Variants in PRKD1 observed in about 807,000 individuals in gnomAD.
PRKD1 encodes serine/threonine-protein kinase D1.
A neutral mutation model predicts 95.9 loss-of-function variants in PRKD1; 63 were observed. That is an observed-to-expected ratio of 0.66 (90% CI 0.54 to 0.81). PRKD1 has a LOEUF of 0.81. PRKD1 is among the 30% of genes least tolerant of loss of function. PRKD1 has a pLI of 0.00. For synonymous variants in PRKD1, 425 were observed against 423.1 expected, an observed-to-expected ratio of 1.00 and a Z score of -0.05; for missense variants, 1,048 against 1,165.3, an observed-to-expected ratio of 0.90 and a Z score of 1.47.
At chr14:29,837,759 T>C (rs962022036) in intron 1 of PRKD1, among the ~76,000 whole-genome samples, 13 of 152,292 alleles carry the variant, frequency 8.5e-5, no homozygotes, top group African/African-American at 2.9e-4. Flanking sequence ...TCCTCAACCA[T>C]CAGTAAGAGT....
At chr14:29,803,829 G>A (rs567162069) in intron 1 of PRKD1, among the ~76,000 whole-genome samples, 60 of 152,168 alleles carry the variant, frequency 3.9e-4, no homozygotes, top group Admixed American at 3.9e-3. Context: ...TCTGCAACTG[G>A]GTTCATTTAA....
intron 2 of PRKD1, among the ~76,000 whole-genome samples, chr14:29,684,344 C>G (rs1379431505): frequency 6.6e-6 from 1 of 151,928 alleles, no homozygotes; most frequent in African/African-American, 2.4e-5. Context: ...ACCATTTTGG[C>G]CAGGCAGAAT....
intron 1 of PRKD1, among the ~76,000 whole-genome samples, chr14:29,786,546 A>G (rs1256468718): frequency 6.6e-6 from 1 of 151,934 alleles, no homozygotes; most frequent in African/African-American, 2.4e-5. Context: ...CAGGTTTCCT[A>G]TTTCTTCTGG....
chr14:29,767,163 C>T (rs898804487), intron 1 of PRKD1, among the ~76,000 whole-genome samples: 2 of 152,002 alleles, frequency 1.3e-5, no homozygotes, highest in African/African-American at 4.8e-5. Context: ...AACAAAAAAC[C>T]TGTCCAGATT....
intron 1 of PRKD1, among the ~76,000 whole-genome samples, chr14:29,874,272 A>G (rs1390434548): frequency 6.6e-6 from 1 of 152,224 alleles, no homozygotes; most frequent in Admixed American, 6.5e-5. Flanking sequence ...TCAAAGCCAC[A>G]ATGAGATAGC....
At chr14:29,598,193 T>C (rs189795680) in intron 15 of PRKD1, among the ~76,000 whole-genome samples, 14 of 151,738 alleles carry the variant, frequency 9.2e-5, no homozygotes, top group East Asian at 1.9e-4. Context: ...AGAGGATTGA[T>C]TGAGTCTGGG....
At chr14:29,698,583 C>T (rs1884659123) in intron 2 of PRKD1, among the ~76,000 whole-genome samples, 1 of 151,956 alleles carries the variant, frequency 6.6e-6, no homozygotes, top group South Asian at 2.1e-4. Flanking sequence ...CTAAAACTCT[C>T]GAAATTGGGA....
At chr14:29,871,701 G>A (rs1893114594) in intron 1 of PRKD1, among the ~76,000 whole-genome samples, 1 of 152,184 alleles carries the variant, frequency 6.6e-6, no homozygotes, top group Non-Finnish European at 1.5e-5. Flanking sequence ...CTACTTGAAA[G>A]AGCAGTTGTA....
intron 1 of PRKD1, among the ~76,000 whole-genome samples, chr14:29,774,034 A>G (rs1388744520): frequency 6.6e-6 from 1 of 152,260 alleles, no homozygotes; most frequent in African/African-American, 2.4e-5. Context: ...GTTGAGCTAC[A>G]GTATATGGGA....
chr14:29,861,609 A>G (rs1415158999), intron 1 of PRKD1, among the ~76,000 whole-genome samples: 2 of 152,094 alleles, frequency 1.3e-5, no homozygotes, highest in African/African-American at 4.8e-5. Flanking sequence ...GACTATAGTC[A>G]CCCTGTCATG....
chr14:29,710,977 T>C (rs546720125), intron 2 of PRKD1, among the ~76,000 whole-genome samples: 1 of 152,206 alleles, frequency 6.6e-6, no homozygotes, highest in East Asian at 1.9e-4. Flanking sequence ...AGACCAAGAA[T>C]AGATTTCAGT....
intron 1 of PRKD1, among the ~76,000 whole-genome samples, chr14:29,810,436 T>A (rs1418813651): frequency 6.6e-6 from 1 of 152,234 alleles, no homozygotes; most frequent in Non-Finnish European, 1.5e-5. Flanking sequence ...AGCAATCTAA[T>A]TTTCTTATGC....
intron 2 of PRKD1, among the ~76,000 whole-genome samples, chr14:29,713,666 C>A (rs994451962): frequency 3.9e-5 from 6 of 152,114 alleles, no homozygotes; most frequent in African/African-American, 1.4e-4. Context: ...ATAAATGGTA[C>A]AAATAGTCTA....
At chr14:29,796,242 T>C (rs1889810240) in intron 1 of PRKD1, among the ~76,000 whole-genome samples, 1 of 152,198 alleles carries the variant, frequency 6.6e-6, no homozygotes, top group Non-Finnish European at 1.5e-5. Flanking sequence ...GGAGTGATTC[T>C]AGTTTCTCTA....
chr14:29,703,602 C>CT (rs1359090161), intron 2 of PRKD1, among the ~76,000 whole-genome samples: 2 of 152,056 alleles, frequency 1.3e-5, no homozygotes, highest in African/African-American at 4.8e-5. Context: ...GAAGGATATA[C>CT]TGGAGAGTAG....
Position 29,632,861 on chromosome 14 carries a change from A to G in PRKD1, c.1392+8T>C, listed in dbSNP as rs1880108907. 1 of 1,599,598 alleles carries G rather than the reference A, an allele frequency of 6.3e-7. No individual in the cohort carries two copies. Among genetic ancestry groups the G allele is most frequent in the Non-Finnish European group, 8.6e-7 (1 of 1,167,116 alleles). On this transcript the variant is annotated splice_region_variant and intron_variant, in intron 9 of 17. Transcript: ENST00000331968. ...GTATGAAACTACAAAGAAAGAGCCC[A>G]CTCTTACCTTGTAGTACCTGCTTCC...
chr14:29,645,001 C>A lies in PRKD1; in HGVS notation c.697-6097G>T, dbSNP rs150340512. Reference sequence around the variant, plus strand: ...AAACTGAGTTACTGAGAGATTAAATCATTTTCCCAAGATCACACAACTTGT... The same window carrying A: ...AAACTGAGTTACTGAGAGATTAAATAATTTTCCCAAGATCACACAACTTGT... On this transcript the variant is annotated intron_variant, in intron 4 of 17. Coordinates refer to ENST00000331968, the MANE Select transcript of PRKD1 (RefSeq NM_002742.3). 2.4e-3 allele frequency among the ~76,000 whole-genome samples: 363 copies of A among 152,222 alleles called. 1 individual carries two copies. The highest frequency in any genetic ancestry group is 6.5e-3 in the African/African-American group (272 of 41,530).
At chr14:29,803,380 A>C (rs766473442) in intron 1 of PRKD1, among the ~76,000 whole-genome samples, 1 of 152,172 alleles carries the variant, frequency 6.6e-6, no homozygotes, top group Non-Finnish European at 1.5e-5. Flanking sequence ...CCAGATTGGG[A>C]AATGATTTTT....
At chr14:29,807,530 G>A (rs1890285849) in intron 1 of PRKD1, among the ~76,000 whole-genome samples, 1 of 151,932 alleles carries the variant, frequency 6.6e-6, no homozygotes, top group African/African-American at 2.4e-5. Flanking sequence ...CCAAGTAGCT[G>A]GGACTACCGG....
Sources: gnomAD v4.1 joint callset for allele counts (sites outside exome capture counted in the v4.1 genomes callset) on GRCh38, gnomAD v4.1.1 for gene constraint, MANE v1.5 for transcripts, NCBI Gene and HGNC (gene_info 2026-07-23, HGNC 2026-07-21) for gene names.